Variants in IGHMBP2 observed in about 807,000 individuals in gnomAD.
IGHMBP2 encodes the protein DNA-binding protein SMUBP-2.
Under a neutral mutation model 96.0 loss-of-function variants are expected in IGHMBP2, and 81 were observed. That is an observed-to-expected ratio of 0.84 (90% confidence interval 0.71 to 1.01). The LOEUF (loss-of-function observed/expected upper bound fraction) is 1.01. IGHMBP2 is among the 50% of genes least tolerant of loss of function. The probability of loss-of-function intolerance (pLI) is 0.00; values close to 1 mark genes in which losing one functional copy is unlikely to be tolerated. For synonymous variants in IGHMBP2, 557 were observed against 548.9 expected, an observed-to-expected ratio of 1.01 and a Z score of -0.21; for missense variants, 1,227 against 1,306.3, an observed-to-expected ratio of 0.94 and a Z score of 0.94.
Position 68,928,675 on chromosome 11 carries a change from G to T in IGHMBP2, c.1061-508G>T, listed in dbSNP as rs7106272. ...ACACTGTTGGCTGGAGACAGCGTGG[G>T]GCCTGAGTCTTGCTCACAGCCTGAA... On this transcript the variant is annotated intron_variant, in intron 7 of 14. Coordinates refer to ENST00000255078, the MANE Select transcript of IGHMBP2 (RefSeq NM_002180.3). 5.3e-3 allele frequency among the ~76,000 whole-genome samples: 812 copies of T among 152,272 alleles called. 5 individuals are homozygous for T. Among genetic ancestry groups the T allele is most frequent in the African/African-American group, 0.019 (777 of 41,554 alleles).
At chr11:68,937,785 A>G (rs1352667029) in intron 13 of IGHMBP2, 7 of 259,208 alleles carry the variant, frequency 2.7e-5, no homozygotes, top group Admixed American at 1.5e-4. Context: ...ACACCAGCAC[A>G]TGGGTGGCTT....
intron 5 of IGHMBP2, among the ~76,000 whole-genome samples, chr11:68,912,877 TAA>T (rs1858491365): frequency 6.6e-6 from 1 of 150,656 alleles, no homozygotes; most frequent in Admixed American, 6.6e-5. Context: ...CCGTCTCTAC[TAA>T]AAATACAAAA....
At position 68,914,847 on chromosome 11, in the gene IGHMBP2, A is replaced by G. The variant is rs377678376; in HGVS notation, c.736A>G (p.Ile246Val). The G allele has an allele frequency of 1.3e-5, 21 of 1,614,108 alleles. No homozygotes were observed. The highest frequency in any genetic ancestry group is 1.7e-5 in the Non-Finnish European group (20 of 1,180,048). ...GGTTCTGTGCTGCGCCCCCTCCAAC[A>G]TCGCCGTGGACAATCTGGTGGAGCG... ...LKVLCCAPSN[I>V]AVDNLVERLA... Residue 246 changes from isoleucine (I) to valine (V), a missense_variant, in exon 6 of 15, where the codon ATC (isoleucine) becomes GTC (valine). Physicochemically the swap from Ile to Val is conservative, Grantham distance 29. Around this residue, in one of 3 missense-constraint regions of IGHMBP2, gnomAD observed 507 missense variants for 496.9 expected, o/e 1.02. Coordinates refer to ENST00000255078, the MANE Select transcript of IGHMBP2 (RefSeq NM_002180.3).
At chr11:68,917,655 G>T (rs1183887165) in intron 6 of IGHMBP2, 81 bp from the exon 7 acceptor site, 1 of 1,164,190 alleles carries the variant, frequency 8.6e-7, no homozygotes, top group Non-Finnish European at 1.3e-6. Context: ...TGGACTGAAT[G>T]ATAGAAGCAC....
At chr11:68,910,897 A>G (rs1858403437) in intron 4 of IGHMBP2, among the ~76,000 whole-genome samples, 1 of 151,926 alleles carries the variant, frequency 6.6e-6, no homozygotes, top group Non-Finnish European at 1.5e-5. Flanking sequence ...AAAAAAAAAA[A>G]AAGAAGCAGA....
intron 1 of IGHMBP2, among the ~76,000 whole-genome samples, chr11:68,904,992 T>C (rs1025057585): frequency 1.3e-5 from 2 of 152,094 alleles, no homozygotes; most frequent in African/African-American, 4.8e-5. Context: ...GAGACAGGGT[T>C]TCACCATGTT....
chr11:68,919,224 T>C (rs925262354), intron 7 of IGHMBP2, among the ~76,000 whole-genome samples: 3 of 100,970 alleles, frequency 3.0e-5, no homozygotes, highest in Non-Finnish European at 2.3e-5. Flanking sequence ...GGGATCTCAC[T>C]GTGTTGCTCC....
At chr11:68,939,396 G>C in intron 14 of IGHMBP2, 138 bp from the exon 15 acceptor site, 3 of 882,822 alleles carry the variant, frequency 3.4e-6, no homozygotes, top group Non-Finnish European at 3.6e-6. Flanking sequence ...CAGCCTGCAG[G>C]GTGAAGGACT....
At position 68,904,591 on chromosome 11, in the gene IGHMBP2, G is replaced by A. The variant is rs575855330; in HGVS notation, c.86+553G>A. Among the ~76,000 whole-genome samples the A allele has an allele frequency of 1.1e-3, 166 of 152,184 alleles. 3 individuals are homozygous for A. The highest frequency in any genetic ancestry group is 3.5e-3 in the Admixed American group (54 of 15,296). On this transcript the variant is annotated intron_variant, in intron 1 of 14. Transcript: ENST00000255078. ...TTCAAGGAGGGAGTGGTGCCTGAAG[G>A]AAAATTGGAGTTAAGCTGGTGGGTG...
At chr11:68,934,425 C>T (rs1350575773) in intron 10 of IGHMBP2, 39 bp from the exon 11 acceptor site, 25 of 1,474,460 alleles carry the variant, frequency 1.7e-5, no homozygotes, top group Middle Eastern at 1.8e-4. Flanking sequence ...CCACTTGGGG[C>T]GACCTTGTGC....
chr11:68,933,982 A>C, intron 10 of IGHMBP2, 69 bp downstream of exon 10: 1 of 1,094,790 alleles, frequency 9.1e-7, no homozygotes, highest in Non-Finnish European at 1.4e-6. Flanking sequence ...AATAAAAGGC[A>C]CTTTAATTGC....
At chr11:68,935,747 G>T (rs928918247) in intron 12 of IGHMBP2, among the ~76,000 whole-genome samples, 19 of 152,324 alleles carry the variant, frequency 1.2e-4, no homozygotes, top group African/African-American at 4.6e-4. Flanking sequence ...GCACGGAGCC[G>T]CGGGGTGTGG....
At chr11:68,937,846 C>T (rs1859611497) in intron 13 of IGHMBP2, 1 of 326,852 alleles carries the variant, frequency 3.1e-6, no homozygotes, top group Non-Finnish European at 5.9e-6. Flanking sequence ...ACTCCCCAAA[C>T]CTTTGTTGAG....
At chr11:68,921,813 C>T (rs766887675) in intron 7 of IGHMBP2, among the ~76,000 whole-genome samples, 3 of 152,104 alleles carry the variant, frequency 2.0e-5, no homozygotes, top group African/African-American at 2.4e-5. Flanking sequence ...GTGGGTCAGC[C>T]GGTGATGCAG....
In IGHMBP2 at chr11:68,903,937, C is replaced by A; in HGVS notation, c.-16C>A. The A allele has an allele frequency of 2.5e-6, 4 of 1,586,806 alleles. No homozygotes were observed. The highest frequency in any genetic ancestry group is 3.4e-6 in the Non-Finnish European group (4 of 1,166,824). ...AGCGGGACGTCGGCTTCTAGGGGCCCAGGCCGGCGGCGGCGATGGCCTCGG... is the reference window on the plus strand; with the variant it reads ...AGCGGGACGTCGGCTTCTAGGGGCCAAGGCCGGCGGCGGCGATGGCCTCGG... On this transcript the variant is annotated 5_prime_UTR_variant, in exon 1 of 15. Transcript: ENST00000255078.
At chr11:68,914,787 A>G in intron 5 of IGHMBP2, 36 bp from the exon 6 acceptor site, 1 of 1,611,152 alleles carries the variant, frequency 6.2e-7, no homozygotes, top group Non-Finnish European at 8.5e-7. Context: ...GTTTGATTAC[A>G]AAGTAAATGA....
At chr11:68,939,463 T>C in intron 14 of IGHMBP2, 71 bp from the exon 15 acceptor site, 8 of 1,542,174 alleles carry the variant, frequency 5.2e-6, no homozygotes, top group Admixed American at 1.7e-5. Context: ...CCCAGCTCTT[T>C]GATAGGCAGA....
chr11:68,914,264 C>T (rs1858559229), intron 5 of IGHMBP2, among the ~76,000 whole-genome samples: 1 of 150,646 alleles, frequency 6.6e-6, no homozygotes, highest in South Asian at 2.1e-4. Flanking sequence ...CCACTGCGCT[C>T]CAGCCTGGGC....
chr11:68,907,130 G>A lies in IGHMBP2; in HGVS notation c.256+892G>A, dbSNP rs117684769. ...AGAAAAATTAGCCAGATGTGGTGGT[G>A]TGTGCCTGTAGTTCCTGCTACTTGA... On this transcript the variant is annotated intron_variant, in intron 2 of 14. Coordinates refer to ENST00000255078, the MANE Select transcript of IGHMBP2 (RefSeq NM_002180.3). Among the ~76,000 whole-genome samples, 1,413 of 152,210 alleles carry A rather than the reference G, an allele frequency of 9.3e-3. 15 individuals are homozygous for A. Among genetic ancestry groups the A allele is most frequent in the Non-Finnish European group, 0.012 (807 of 68,010 alleles).
Sources: gnomAD v4.1 joint callset for allele counts (sites outside exome capture counted in the v4.1 genomes callset) on GRCh38, gnomAD v4.1.1 for gene constraint, gnomAD v4.1.1 regional missense constraint, MANE v1.5 for transcripts, NCBI Gene and HGNC (gene_info 2026-07-23, HGNC 2026-07-21) for gene names.